TRIM29: variants seen among roughly 807,000 people sequenced by gnomAD.
TRIM29 encodes tripartite motif-containing protein 29.
TRIM29 carries 52 observed loss-of-function variants against 57.3 expected under a neutral mutation model. The ratio of observed to expected loss-of-function variants is 0.91; its 90% confidence interval spans 0.73 to 1.14. The LOEUF is 1.14. TRIM29 is among the 50% of genes most tolerant of loss of function. The pLI is 0.00. For missense variants in TRIM29, 753 were observed against 774.6 expected (o/e 0.97, Z 0.33); for synonymous variants, 319 against 316.9 (o/e 1.01, Z -0.07).
chr11:120,122,304 C>A (rs1863475628), intron 5 of TRIM29, among the ~76,000 whole-genome samples: 1 of 152,178 alleles, frequency 6.6e-6, no homozygotes, highest in African/African-American at 2.4e-5. Flanking sequence ...AGGGCTGGCA[C>A]ACCCACCCTT....
chr11:120,115,312 G>T, intron 8 of TRIM29, 26 bp downstream of exon 8: 1 of 1,608,376 alleles, frequency 6.2e-7, no homozygotes, highest in Non-Finnish European at 8.5e-7. Context: ...GATGTGCCCA[G>T]GCCCTCCCGG....
At chr11:120,122,867 A>G (rs1490613816) in intron 5 of TRIM29, 87 bp downstream of exon 5, 3 of 1,064,610 alleles carry the variant, frequency 2.8e-6, no homozygotes, top group Non-Finnish European at 4.3e-6. Context: ...ACTCAGAAGG[A>G]ACCTGGCTGA....
chr11:120,122,821 G>A, intron 5 of TRIM29, 133 bp downstream of exon 5: 2 of 691,476 alleles, frequency 2.9e-6, no homozygotes, highest in African/African-American at 1.8e-5. Context: ...TAGATGCCAG[G>A]ACTTTCCCAG....
chr11:120,120,305 T>G (rs1863401216), intron 6 of TRIM29, among the ~76,000 whole-genome samples: 2 of 150,966 alleles, frequency 1.3e-5, no homozygotes, highest in African/African-American at 4.9e-5. Context: ...TTCCTGGCTG[T>G]TTTTCCTCCA....
intron 4 of TRIM29, chr11:120,125,404 G>C (rs1471820498): frequency 2.2e-6 from 1 of 452,062 alleles, no homozygotes; most frequent in Non-Finnish European, 4.0e-6. Context: ...ACCAGTCTCT[G>C]AGTTTGATGG....
intron 3 of TRIM29, among the ~76,000 whole-genome samples, chr11:120,127,112 C>T (rs1565318352): frequency 6.6e-6 from 1 of 152,192 alleles, no homozygotes; most frequent in Non-Finnish European, 1.5e-5. Flanking sequence ...TGTTTGCCAT[C>T]TTGAGAGTAG....
chr11:120,137,831 G>T lies in TRIM29; in HGVS notation c.201C>A (p.Ser67Arg). The T allele has an allele frequency of 6.2e-7, 1 of 1,612,348 alleles. No homozygotes were observed. The highest frequency in any genetic ancestry group is 8.5e-7 in the Non-Finnish European group (1 of 1,180,028). Residue 67 changes from serine to arginine, a missense_variant, in exon 1 of 9, where the codon AGC becomes AGA. Coordinates refer to ENST00000341846, the MANE Select transcript of TRIM29 (RefSeq NM_012101.4). This position sits in a 1 kb window ranked among gnomAD's most constrained non-coding sequence, Gnocchi z 6.2. ...GSALKPGEGR[S>R]ALFAGNEWRR... The stretch of plus-strand genomic sequence containing the variant: ...GCCACTCATTGCCCGCGAACAGGGC[G>T]CTCCTACCTTCCCCTGGCTTCAGGG...
chr11:120,120,354 C>T (rs1245119462), intron 6 of TRIM29, among the ~76,000 whole-genome samples: 2 of 7,242 alleles, frequency 2.8e-4, no homozygotes, highest in African/African-American at 4.1e-4. Context: ...TACACACACA[C>T]ACACACACAC....
chr11:120,125,609 G>C (rs941453916), intron 4 of TRIM29, 82 bp downstream of exon 4: 181 of 1,502,668 alleles, frequency 1.2e-4, no homozygotes, highest in Non-Finnish European at 1.5e-4. Flanking sequence ...CTCACTGGAG[G>C]CCAGCCCATG....
At chr11:120,128,847 G>C in intron 1 of TRIM29, 3 of 1,501,616 alleles carry the variant, frequency 2.0e-6, no homozygotes, top group African/African-American at 1.4e-5. Flanking sequence ...GTGGACCTGG[G>C]GACAATGGGA....
chr11:120,128,586 C>T (rs1049668100), intron 1 of TRIM29, 91 bp from the exon 2 acceptor site: 21 of 1,512,152 alleles, frequency 1.4e-5, no homozygotes, highest in East Asian at 9.5e-5. Flanking sequence ...AGGGGGCACA[C>T]TCGCAGCCAG....
chr11:120,112,726 C>G (rs1214824632), intron 8 of TRIM29, among the ~76,000 whole-genome samples: 1 of 152,100 alleles, frequency 6.6e-6, no homozygotes, highest in South Asian at 2.1e-4. Context: ...TGAACCTCAG[C>G]CCCCGCATTA....
chr11:120,120,898 G>T (rs1192285265), intron 5 of TRIM29: 1 of 627,372 alleles, frequency 1.6e-6, no homozygotes, highest in Non-Finnish European at 2.9e-6. Flanking sequence ...ACTTGGAGAG[G>T]CCATGGCAAC....
rs1306594663 is a variant in TRIM29, at chr11:120,111,471, A to G, written c.*943T>C. ...ATCCTTGAGCACCCTGATATGCAAC[A>G]TGGGGGGTAATCAGAAGGAGGAGGC... On this transcript the variant is annotated 3_prime_UTR_variant, in exon 9 of 9. Coordinates refer to ENST00000341846, the MANE Select transcript of TRIM29 (RefSeq NM_012101.4). 1 of 152,220 alleles carries G rather than the reference A, an allele frequency of 6.6e-6. No individual in the cohort carries two copies. The highest frequency in any genetic ancestry group is 1.5e-5 in the Non-Finnish European group (1 of 68,096). The allele number at this position is 152,220 out of a possible 1,614,324, so 9.4% of individuals were successfully genotyped here.
At position 120,129,480 on chromosome 11, in the gene TRIM29, G is replaced by A. The variant is rs547887782; in HGVS notation, c.805-985C>T. ...GCTCCAGATCTCCCCACTACCACTG[G>A]GTTTTGAATGCAGAGTCCCACCCCT... On this transcript the variant is annotated intron_variant, in intron 1 of 8. Coordinates refer to ENST00000341846, the MANE Select transcript of TRIM29 (RefSeq NM_012101.4). Among the ~76,000 whole-genome samples, 256 of 152,252 alleles carry A rather than the reference G, an allele frequency of 1.7e-3. 8 individuals carry two copies. In the South Asian group the frequency reaches 0.04, roughly 24 times the overall value.
intron 7 of TRIM29, chr11:120,117,890 G>A: frequency 3.0e-6 from 1 of 330,150 alleles, no homozygotes; most frequent in East Asian, 8.4e-5. Context: ...AAACTCTGCA[G>A]TAGGAGAAGC....
chr11:120,114,048 ACAC>A lies in TRIM29; in HGVS notation c.1704+1287_1704+1289del, dbSNP rs370286666. Reference sequence around the variant, plus strand: ...GAATCATTTTTCCTCATGCAAAGTCACACAGCAAGTCAATGAGACAGCTGGGGC... The same window carrying A: ...GAATCATTTTTCCTCATGCAAAGTCAAGCAAGTCAATGAGACAGCTGGGGC... On this transcript the variant is annotated intron_variant, in intron 8 of 8. Coordinates refer to ENST00000341846, the MANE Select transcript of TRIM29 (RefSeq NM_012101.4). Among the ~76,000 whole-genome samples the A allele has an allele frequency of 5.7e-3, 872 of 152,222 alleles. 7 individuals carry two copies. The highest frequency in any genetic ancestry group is 0.013 in the African/African-American group (560 of 41,520).
chr11:120,128,377 A>T (rs369812061), intron 2 of TRIM29, 23 bp downstream of exon 2: 79 of 1,607,936 alleles, frequency 4.9e-5, no homozygotes, highest in Non-Finnish European at 6.6e-5. Flanking sequence ...GGGAGCAGCA[A>T]GGTGAGCTTG....
intron 8 of TRIM29, among the ~76,000 whole-genome samples, chr11:120,113,991 C>G (rs182084111): frequency 1.3e-3 from 200 of 152,246 alleles, no homozygotes; most frequent in African/African-American, 4.6e-3. Flanking sequence ...CAAAATCATC[C>G]TAATTATGGA....
Sources: allele counts gnomAD v4.1 joint callset (sites outside exome capture counted in the v4.1 genomes callset), GRCh38; gene constraint gnomAD v4.1.1; non-coding constraint Gnocchi (gnomAD v3.1); transcripts MANE v1.5; gene names NCBI Gene and HGNC (gene_info 2026-07-23, HGNC 2026-07-21).